Variants in FRMPD4 observed in about 807,000 individuals in gnomAD.
FRMPD4 encodes the protein FERM and PDZ domain containing 4, also known as FERM and PDZ domain-containing protein 4.
FRMPD4 carries 22 observed loss-of-function variants against 94.1 expected under a neutral mutation model. That is an observed-to-expected ratio of 0.23 (90% CI 0.17 to 0.33). The LOEUF is 0.33. Ranked by LOEUF, FRMPD4 falls within the 10% of genes least tolerant of loss-of-function variation. The pLI is 1.00. For synonymous variants in FRMPD4, 631 were observed against 548.6 expected, an observed-to-expected ratio of 1.15 and a Z score of -2.10; for missense variants, 1,111 against 1,339.9, an observed-to-expected ratio of 0.83 and a Z score of 2.67.
chrX:12,106,434 G>A (rs762629497), intron 3 of FRMPD4, among the ~76,000 whole-genome samples: 6 of 110,461 alleles, frequency 5.4e-5, no homozygotes, highest in East Asian at 2.9e-4. Flanking sequence ...GTTCCAAGAC[G>A]GCCAAATAGG....
In FRMPD4 at chrX:11,979,279, G is replaced by A. The variant is rs1389293171; in HGVS notation, c.95+101261G>A. Among the ~76,000 whole-genome samples the A allele has an allele frequency of 5.4e-5, 6 of 111,933 alleles. No homozygotes were observed. The East Asian group carries it at 1.4e-3, about 26-fold the overall frequency. On this transcript the variant is annotated intron_variant, in intron 3 of 18. Coordinates refer to the FRMPD4 transcript ENST00000640291. ...CTCTTTGGTCAAGGTTATGTTTTTG[G>A]ATTCATCCAGGATGATGTATCAAAT... is the stretch of plus-strand genomic sequence containing the variant.
At position 12,609,817 on chromosome X, in the gene FRMPD4, C is replaced by T. The variant is rs769101701; in HGVS notation, c.255C>T (p.Pro85=). The change falls in exon 3 of 17, where the codon CCC becomes CCT. Residue 85 remains proline, a synonymous_variant. Coordinates refer to ENST00000675598, the MANE Select transcript of FRMPD4 (RefSeq NM_001368397.1). ...APRKVEMRRD[P]VLGFGFVAGS... Reference sequence around the variant, plus strand: ...GGAAGGTGGAGATGAGAAGGGACCCCGTGCTGGGATTTGGTTTTGTGGCAG... The same window carrying T: ...GGAAGGTGGAGATGAGAAGGGACCCTGTGCTGGGATTTGGTTTTGTGGCAG... 7 of 1,209,019 alleles carry T rather than the reference C, an allele frequency of 5.8e-6. No homozygotes were observed. Among genetic ancestry groups the T allele is most frequent in the South Asian group, 5.3e-5 (3 of 56,710 alleles).
At chrX:12,015,405 C>T (rs961848317) in intron 3 of FRMPD4, among the ~76,000 whole-genome samples, 1 of 111,700 alleles carries the variant, frequency 9.0e-6, no homozygotes, top group African/African-American at 3.3e-5. Context: ...ATCTTCCCCT[C>T]ATTAGATCAC....
At chrX:12,084,090 G>A (rs2055084183) in intron 3 of FRMPD4, among the ~76,000 whole-genome samples, 1 of 103,398 alleles carries the variant, frequency 9.7e-6, no homozygotes. Flanking sequence ...CCAGGGGGCA[G>A]AATGATATGG....
chrX:12,073,485 T>C (rs1357968732), intron 3 of FRMPD4, among the ~76,000 whole-genome samples: 3 of 112,120 alleles, frequency 2.7e-5, no homozygotes, highest in Non-Finnish European at 3.8e-5. Context: ...TTTAAAATGT[T>C]TGTGTAAAAA....
intron 7 of FRMPD4, among the ~76,000 whole-genome samples, chrX:12,689,303 G>T (rs1024725577): frequency 9.0e-6 from 1 of 111,698 alleles, no homozygotes. Flanking sequence ...TGCTGACAAA[G>T]CTTGCTCATT....
At chrX:12,089,137 T>A (rs1433061423) in intron 3 of FRMPD4, among the ~76,000 whole-genome samples, 1 of 112,380 alleles carries the variant, frequency 8.9e-6, no homozygotes, top group African/African-American at 3.2e-5. Context: ...ATTGTAATCA[T>A]TCATTTTCAT....
At chrX:11,855,619 C>T (rs1569112134) in intron 1 of FRMPD4, among the ~76,000 whole-genome samples, 1 of 112,032 alleles carries the variant, frequency 8.9e-6, no homozygotes, top group Non-Finnish European at 1.9e-5. Flanking sequence ...CAAGAGTGAC[C>T]TTTATTTCAG....
intron 3 of FRMPD4, among the ~76,000 whole-genome samples, chrX:11,956,171 G>A (rs2054256128): frequency 8.9e-6 from 1 of 111,757 alleles, no homozygotes; most frequent in African/African-American, 3.3e-5. Flanking sequence ...CTTATTGTCT[G>A]CCATATGCTT....
chrX:11,829,859 A>G (rs2053465220), intron 1 of FRMPD4, among the ~76,000 whole-genome samples: 1 of 112,298 alleles, frequency 8.9e-6, no homozygotes. Flanking sequence ...CGTTCAATTT[A>G]TAAATTTCTG....
intron 1 of FRMPD4, among the ~76,000 whole-genome samples, chrX:11,846,563 G>A (rs1343894613): frequency 4.6e-5 from 5 of 108,551 alleles, no homozygotes; most frequent in Non-Finnish European, 7.7e-5. Flanking sequence ...AATAGAGCCC[G>A]CATCGCCAAG....
chrX:11,973,055 C>A (rs2054349068), intron 3 of FRMPD4, among the ~76,000 whole-genome samples: 1 of 112,088 alleles, frequency 8.9e-6, no homozygotes, highest in Non-Finnish European at 1.9e-5. Context: ...CTCCCTCTCC[C>A]ATGGGCTGTT....
intron 4 of FRMPD4, among the ~76,000 whole-genome samples, chrX:12,673,266 G>A (rs772515429): frequency 1.8e-5 from 2 of 112,076 alleles, no homozygotes; most frequent in South Asian, 7.6e-4. Flanking sequence ...TCTGATAAAC[G>A]TTTCTTGTTG....
intron 3 of FRMPD4, among the ~76,000 whole-genome samples, chrX:12,002,785 G>A (rs1015991645): frequency 8.9e-6 from 1 of 111,775 alleles, no homozygotes; most frequent in African/African-American, 3.3e-5. Flanking sequence ...AGTATTGAGC[G>A]TTGGAGGTGC....
intron 1 of FRMPD4, among the ~76,000 whole-genome samples, chrX:11,824,623 T>C (rs2053431122): frequency 8.9e-6 from 1 of 111,914 alleles, no homozygotes; most frequent in East Asian, 2.8e-4. Flanking sequence ...AGGCTGAGAA[T>C]GGTCCTTCAT....
At chrX:12,056,451 G>A (rs765638358) in intron 3 of FRMPD4, among the ~76,000 whole-genome samples, 1 of 111,473 alleles carries the variant, frequency 9.0e-6, no homozygotes, top group Non-Finnish European at 1.9e-5. Flanking sequence ...AGGAACGTTG[G>A]GGGAGGAAGT....
Position 12,536,682 on chromosome X carries a change from T to C in FRMPD4, c.158+37886T>C, listed in dbSNP as rs1046134564. Among the ~76,000 whole-genome samples the C allele has an allele frequency of 2.7e-5, 3 of 111,867 alleles. No individual in the cohort carries two copies. In the East Asian group the frequency reaches 8.3e-4, roughly 31 times the overall value. Reference sequence around the variant, plus strand: ...CTGTGTGTTTCGGAAAGAAGGATTGTTTAGTAGGAGAGAATTTGATGTCTG... The same window carrying C: ...CTGTGTGTTTCGGAAAGAAGGATTGCTTAGTAGGAGAGAATTTGATGTCTG... On this transcript the variant is annotated intron_variant, in intron 2 of 16. Coordinates refer to ENST00000675598, the MANE Select transcript of FRMPD4 (RefSeq NM_001368397.1).
intron 2 of FRMPD4, among the ~76,000 whole-genome samples, chrX:12,520,761 G>C (rs2148269804): frequency 8.9e-6 from 1 of 112,178 alleles, no homozygotes; most frequent in East Asian, 2.8e-4. Context: ...TGATTGGACT[G>C]GTGGAAGCCA....
chrX:12,718,594 G>T lies in FRMPD4; in HGVS notation c.3768G>T (p.Val1256=). 8.3e-7 allele frequency: 1 copy of T among 1,210,832 alleles called. No individual in the cohort carries two copies. Among genetic ancestry groups the T allele is most frequent in the Non-Finnish European group, 1.1e-6 (1 of 894,599 alleles). The part of the protein sequence containing the change: ...HLIPDASGKG[V]NYIPSEERAP... ...TTCCTGACGCTTCTGGGAAAGGCGT[G>T]AATTACATTCCTTCAGAGGAGAGAG... is the stretch of plus-strand genomic sequence containing the variant. Residue 1256 remains valine (V), a synonymous_variant, in exon 16 of 17, where the codon GTG becomes GTT. Coordinates refer to ENST00000675598, the MANE Select transcript of FRMPD4 (RefSeq NM_001368397.1).
Sources: gnomAD v4.1 joint callset for allele counts (sites outside exome capture counted in the v4.1 genomes callset) on GRCh38, gnomAD v4.1.1 for gene constraint, MANE v1.5 for transcripts, NCBI Gene and HGNC (gene_info 2026-07-23, HGNC 2026-07-21) for gene names.